The following C12orf56 variants were observed in gnomAD, a reference collection of about 807,000 sequenced individuals.
C12orf56 encodes uncharacterized protein C12orf56.
C12orf56 carries 71 observed loss-of-function variants against 69.9 expected under a neutral mutation model. That is an observed-to-expected ratio of 1.02 (90% confidence interval 0.84 to 1.24). The LOEUF (loss-of-function observed/expected upper bound fraction) is 1.24, where lower values mean the gene tolerates loss of function less well. Among genes scored for constraint, C12orf56 ranks in the 50% most tolerant of loss-of-function variants. The pLI, the probability that C12orf56 is intolerant of heterozygous loss-of-function variation, is 0.00. For missense variants in C12orf56, 732 were observed against 738.5 expected, an observed-to-expected ratio of 0.99 and a Z score of 0.10; for synonymous variants, 276 against 274.1, an observed-to-expected ratio of 1.01 and a Z score of -0.07.
intron 3 of C12orf56, among the ~76,000 whole-genome samples, chr12:64,320,695 T>C (rs1175537282): frequency 6.6e-6 from 1 of 152,190 alleles, no homozygotes; most frequent in Non-Finnish European, 1.5e-5. Context: ...TGCCACTTAA[T>C]GGTTATGTGA....
At chr12:64,385,479 G>A (rs778234356) in intron 1 of C12orf56, among the ~76,000 whole-genome samples, 2 of 152,140 alleles carry the variant, frequency 1.3e-5, no homozygotes, top group African/African-American at 2.4e-5. Flanking sequence ...GGCCTAACAT[G>A]GAACAAGGAG....
At chr12:64,292,958 C>T in intron 6 of C12orf56, among the ~76,000 whole-genome samples, 1 of 148,438 alleles carries the variant, frequency 6.7e-6, no homozygotes, top group Non-Finnish European at 1.5e-5. Context: ...AGCCTCGCTG[C>T]CGCCTTGCAG....
At chr12:64,373,137 G>T (rs778381802) in intron 1 of C12orf56, among the ~76,000 whole-genome samples, 18 of 152,028 alleles carry the variant, frequency 1.2e-4, no homozygotes, top group Non-Finnish European at 2.2e-4. Context: ...CTCAAAAACA[G>T]GTACCATTTT....
intron 11 of C12orf56, 113 bp from the exon 12 acceptor site, chr12:64,270,827 A>G (rs755205985): frequency 2.9e-5 from 23 of 804,772 alleles, no homozygotes; most frequent in Non-Finnish European, 4.3e-5. Context: ...CCCTAACACC[A>G]CTGTTGCAAT....
At chr12:64,268,512 A>G (rs1273227762) in intron 12 of C12orf56, among the ~76,000 whole-genome samples, 1 of 152,198 alleles carries the variant, frequency 6.6e-6, no homozygotes, top group African/African-American at 2.4e-5. Flanking sequence ...CAAATCCATC[A>G]CAACAGAAAG....
intron 1 of C12orf56, among the ~76,000 whole-genome samples, chr12:64,364,703 G>A (rs2039442260): frequency 6.6e-6 from 1 of 152,074 alleles, no homozygotes; most frequent in South Asian, 2.1e-4. Context: ...ACTTTAATCT[G>A]TATCTTTTCG....
chr12:64,286,785 T>A (rs2038207819), intron 6 of C12orf56, among the ~76,000 whole-genome samples: 1 of 152,188 alleles, frequency 6.6e-6, no homozygotes, highest in Non-Finnish European at 1.5e-5. Context: ...TAGTGACAAT[T>A]TAGGCTTTTT....
Position 64,318,931 on chromosome 12 carries a change from G to T in C12orf56, c.538C>A (p.Arg180Ser). ...AGGGACAGCTTTTTGAGGCCTGGAC[G>T]AGGACAGAGAGTTGAGTCCTTGGAT... Reference protein sequence around the residue: ...TPSKDSTLCPRPGLKKLSLHG... With the variant: ...TPSKDSTLCPSPGLKKLSLHG... The change falls in exon 4 of 13, where the codon CGT becomes AGT. Residue 180 changes from arginine (R) to serine (S), a missense_variant. By Grantham distance (110) the Arg-to-Ser change is moderately radical. Coordinates refer to ENST00000543942, the MANE Select transcript of C12orf56 (RefSeq NM_001170633.2). The T allele has an allele frequency of 1.3e-6, 2 of 1,535,270 alleles. No individual in the cohort carries two copies. Among genetic ancestry groups the T allele is most frequent in the Non-Finnish European group, 1.7e-6 (2 of 1,145,980 alleles).
rs762038775 is a variant in C12orf56, at chr12:64,390,363, T to C, written c.203A>G (p.Lys68Arg). 7 of 1,612,724 alleles carry C rather than the reference T, an allele frequency of 4.3e-6. No individual in the cohort carries two copies. Among genetic ancestry groups the C allele is most frequent in the African/African-American group, 2.7e-5 (2 of 74,852 alleles). ...RLVYLTENPP[K>R]SIRRVVALRD... is the part of the protein sequence containing the mutation. ...CAGAGCCACTACCCGCCGGATGGAC[T>C]TGGGCGGGTTCTCGGTTAGGTAGAC... Residue 68 changes from lysine (K) to arginine (R), a missense_variant, in exon 1 of 13, where the codon AAG becomes AGG. By Grantham distance (26) the Lys-to-Arg change is conservative. Coordinates refer to ENST00000543942, the MANE Select transcript of C12orf56 (RefSeq NM_001170633.2).
intron 2 of C12orf56, among the ~76,000 whole-genome samples, chr12:64,344,985 G>A (rs999939987): frequency 2.6e-5 from 4 of 152,046 alleles, no homozygotes; most frequent in Non-Finnish European, 5.9e-5. Flanking sequence ...ACTTAGTGGG[G>A]CCAAATCAAT....
At chr12:64,354,916 T>C (rs192762524) in intron 1 of C12orf56, among the ~76,000 whole-genome samples, 2,880 of 149,618 alleles carry the variant, frequency 0.019, 43 homozygotes, top group Non-Finnish European at 0.032. Context: ...GTGTCTGTAC[T>C]AAAATACAAA....
At chr12:64,352,593 C>T (rs771712930) in intron 2 of C12orf56, among the ~76,000 whole-genome samples, 2 of 152,114 alleles carry the variant, frequency 1.3e-5, no homozygotes, top group South Asian at 2.1e-4. Context: ...ACCAGGAGTT[C>T]GAGCCTTGTG....
Position 64,308,980 on chromosome 12 carries a change from G to GAAAGAAAGGAAAGAAAGA in C12orf56, c.968+3698_968+3699insTCTTTCTTTCCTTTCTTT, listed in dbSNP as rs1555188292. On this transcript the variant is annotated intron_variant, in intron 5 of 12. Transcript: ENST00000543942. ...GAAAGAAAGAAAGAAAGAAAAGAAA[G>GAAAGAAAGGAAAGAAAGA]AAAGAAAAGAAAGAAGGAAAGAAAG... 3.3e-5 allele frequency among the ~76,000 whole-genome samples: 4 copies of GAAAGAAAGGAAAGAAAGA among 121,588 alleles called. No individual in the cohort carries two copies. In the Admixed American group the frequency reaches 3.4e-4, roughly 10 times the overall value. 79.8% of individuals were successfully genotyped at this position (121,588 alleles called of 152,430 possible).
intron 3 of C12orf56, among the ~76,000 whole-genome samples, chr12:64,328,329 CCCAGAA>C (rs1404107678): frequency 6.6e-6 from 1 of 151,824 alleles, no homozygotes; most frequent in Non-Finnish European, 1.5e-5. Flanking sequence ...AGTGGCAGCT[CCCAGAA>C]TCCTACACTC....
intron 3 of C12orf56, among the ~76,000 whole-genome samples, chr12:64,325,458 TC>T (rs1180152389): frequency 6.6e-6 from 1 of 151,986 alleles, no homozygotes; most frequent in African/African-American, 2.4e-5. Context: ...GCCCCTACAG[TC>T]TATTTAACTT....
chr12:64,285,848 G>T, intron 7 of C12orf56, 106 bp downstream of exon 7: 2 of 496,740 alleles, frequency 4.0e-6, no homozygotes. Flanking sequence ...AAAACTTGCA[G>T]TGCCATTAAT....
At position 64,284,732 on chromosome 12, in the gene C12orf56, C is replaced by G. The variant is rs755658193; in HGVS notation, c.1242G>C (p.Gln414His). 43 of 1,608,020 alleles carry G rather than the reference C, an allele frequency of 2.7e-5. No homozygotes were observed. Among genetic ancestry groups the G allele is most frequent in the Non-Finnish European group, 3.7e-5 (43 of 1,177,556 alleles). ...TTTCTCTGAACATCAATACTAGGGT[C>G]TGTATAATTTCAATGCATGCCCTAG... is the stretch of plus-strand genomic sequence containing the variant. Reference protein sequence around the residue: ...DELVACIEIIQTLVLMFRETE... With the variant: ...DELVACIEIIHTLVLMFRETE... The change falls in exon 8 of 13, where the codon CAG becomes CAC. Residue 414 changes from glutamine to histidine, a missense_variant. Gln to His is a conservative substitution (Grantham distance 24). Transcript: ENST00000543942.
chr12:64,353,713 T>C (rs572893892), intron 1 of C12orf56, among the ~76,000 whole-genome samples: 5 of 152,156 alleles, frequency 3.3e-5, no homozygotes, highest in African/African-American at 1.2e-4. Context: ...ATGGAGTCTC[T>C]CTCTGTCGCC....
chr12:64,338,443 C>G, intron 2 of C12orf56: 1 of 823,456 alleles, frequency 1.2e-6, no homozygotes, highest in Non-Finnish European at 2.2e-6. Context: ...CCTTTTGCAC[C>G]GCAGACTTTA....
Sources: allele counts gnomAD v4.1 joint callset (sites outside exome capture counted in the v4.1 genomes callset), GRCh38; gene constraint gnomAD v4.1.1; transcripts MANE v1.5; gene names NCBI Gene and HGNC (gene_info 2026-07-23, HGNC 2026-07-21).